GRIN2A: variants seen among roughly 807,000 people sequenced by gnomAD.
GRIN2A encodes glutamate receptor ionotropic, NMDA 2A.
A neutral mutation model predicts 113.4 loss-of-function variants in GRIN2A; 22 were observed. The ratio of observed to expected loss-of-function variants is 0.19; its 90% confidence interval spans 0.14 to 0.28. The LOEUF is 0.28. Among genes scored for constraint, GRIN2A ranks in the 10% least tolerant of loss-of-function variants. GRIN2A has a pLI of 1.00. For synonymous variants in GRIN2A, 827 were observed against 738.4 expected, an observed-to-expected ratio of 1.12 and a Z score of -1.94; for missense variants, 1,502 against 1,887.0, an observed-to-expected ratio of 0.80 and a Z score of 3.78.
At position 9,849,819 on chromosome 16, in the gene GRIN2A, A is replaced by C; in HGVS notation, c.1265T>G (p.Ile422Arg). The change falls in exon 5 of 13, where the codon ATA (isoleucine) becomes AGA (arginine). Residue 422 changes from isoleucine (I) to arginine (R), a missense_variant. By Grantham distance (97) the Ile-to-Arg change is moderately conservative (BLOSUM62 -3). This residue lies in a region of GRIN2A where 334 missense variants were observed against 403.0 expected (regional missense o/e 0.83). Coordinates refer to ENST00000330684, the MANE Select transcript of GRIN2A (RefSeq NM_001134407.3). ...CACACACGTCTCGGTCAGGGGGTCT[A>C]TGTCTTCCACGATGACGAATGGGGC... is the stretch of plus-strand genomic sequence containing the variant. ...EEAPFVIVED[I>R]DPLTETCVRN... is the part of the protein sequence containing the mutation. The C allele has an allele frequency of 6.2e-7, 1 of 1,614,028 alleles. No homozygotes were observed. Among genetic ancestry groups the C allele is most frequent in the Non-Finnish European group, 8.5e-7 (1 of 1,179,974 alleles).
chr16:9,921,698 G>A (rs1337801830), intron 3 of GRIN2A, among the ~76,000 whole-genome samples: 1 of 152,128 alleles, frequency 6.6e-6, no homozygotes, highest in Non-Finnish European at 1.5e-5. Context: ...GGGTGCTGGT[G>A]CACAAAAGTA....
At chr16:10,140,424 G>A (rs753509068) in intron 2 of GRIN2A, among the ~76,000 whole-genome samples, 2 of 152,086 alleles carry the variant, frequency 1.3e-5, no homozygotes, top group Admixed American at 6.6e-5. Context: ...ATCCAGGGTC[G>A]GAGTGATAGT....
At chr16:9,936,568 C>A (rs2044718029) in intron 3 of GRIN2A, among the ~76,000 whole-genome samples, 1 of 152,160 alleles carries the variant, frequency 6.6e-6, no homozygotes, top group South Asian at 2.1e-4. Context: ...AGTGATCATT[C>A]TAAATCTCAA....
intron 2 of GRIN2A, among the ~76,000 whole-genome samples, chr16:10,168,124 G>A (rs1324923824): frequency 6.6e-6 from 1 of 152,126 alleles, no homozygotes; most frequent in Non-Finnish European, 1.5e-5. Flanking sequence ...TCTAAACATT[G>A]TCTTCTGTAG....
intron 2 of GRIN2A, among the ~76,000 whole-genome samples, chr16:10,078,565 C>A (rs2047919572): frequency 6.6e-6 from 1 of 152,098 alleles, no homozygotes; most frequent in Non-Finnish European, 1.5e-5. Flanking sequence ...AGGCCCCCAG[C>A]CCCTGGGGGC....
chr16:10,178,817 G>A (rs372991561), intron 2 of GRIN2A, among the ~76,000 whole-genome samples: 31 of 152,296 alleles, frequency 2.0e-4, no homozygotes, highest in African/African-American at 6.3e-4. Flanking sequence ...AAAGGAAAGC[G>A]CTACAGTGAA....
At chr16:10,131,399 A>G (rs935982530) in intron 2 of GRIN2A, among the ~76,000 whole-genome samples, 1 of 152,002 alleles carries the variant, frequency 6.6e-6, no homozygotes, top group African/African-American at 2.4e-5. Context: ...TTCATCGGGA[A>G]GTTGGAAGCT....
At chr16:9,778,129 A>G (rs58554334) in intron 11 of GRIN2A, among the ~76,000 whole-genome samples, 2,124 of 152,328 alleles carry the variant, frequency 0.014, 55 homozygotes, top group African/African-American at 0.048. Context: ...TCTCTTTCAG[A>G]AGAAAAATTA....
At chr16:10,064,297 G>A (rs758016411) in intron 2 of GRIN2A, among the ~76,000 whole-genome samples, 1 of 152,074 alleles carries the variant, frequency 6.6e-6, no homozygotes, top group East Asian at 1.9e-4. Flanking sequence ...TGGTAAATGC[G>A]TCCCAGGCAC....
At chr16:9,796,829 T>G (rs146012076) in intron 11 of GRIN2A, among the ~76,000 whole-genome samples, 62 of 152,318 alleles carry the variant, frequency 4.1e-4, no homozygotes, top group African/African-American at 1.3e-3. Context: ...TGCTTACTGT[T>G]GTACGCCTCT....
chr16:9,797,340 G>T (rs1233886442), intron 11 of GRIN2A, among the ~76,000 whole-genome samples: 1 of 152,132 alleles, frequency 6.6e-6, no homozygotes, highest in East Asian at 1.9e-4. Context: ...CTCCGTGTTG[G>T]CAATTGAAAG....
chr16:9,947,543 C>T (rs2045048078), intron 2 of GRIN2A, among the ~76,000 whole-genome samples: 1 of 152,202 alleles, frequency 6.6e-6, no homozygotes, highest in Non-Finnish European at 1.5e-5. Flanking sequence ...TGGTGGTAAA[C>T]ATTATCGTCG....
rs897902086 is a variant in GRIN2A at position 9,758,132 on chromosome 16, G to A, written c.*5017C>T. On this transcript the variant is annotated 3_prime_UTR_variant, in exon 13 of 13. Coordinates refer to ENST00000330684, the MANE Select transcript of GRIN2A (RefSeq NM_001134407.3). ...TCTCCTCCCCTTCTCCTAACTTTTG[G>A]TGTGGTTCTACGAACTCTATTTTTC... 1 of 215,054 alleles carries A rather than the reference G, an allele frequency of 4.6e-6. No individual in the cohort carries two copies. The highest frequency in any genetic ancestry group is 9.4e-6 in the Non-Finnish European group (1 of 106,566). 13.3% of individuals were successfully genotyped at this position (215,054 alleles called of 1,614,324 possible).
chr16:9,820,322 A>G lies in GRIN2A; in HGVS notation c.2168+1942T>C, dbSNP rs893535015. Reference sequence around the variant, plus strand: ...AGTATATGTTGATTAAAAGACCACAATGGAAACAAACAAAAATCCCAAACC... The same window carrying G: ...AGTATATGTTGATTAAAAGACCACAGTGGAAACAAACAAAAATCCCAAACC... On this transcript the variant is annotated intron_variant, in intron 10 of 12. Transcript: ENST00000330684. 2.0e-5 allele frequency among the ~76,000 whole-genome samples: 3 copies of G among 152,224 alleles called. No homozygotes were observed. In the East Asian group the frequency reaches 5.8e-4, roughly 29 times the overall value.
chr16:10,026,198 A>G (rs2046817526), intron 2 of GRIN2A, among the ~76,000 whole-genome samples: 1 of 152,194 alleles, frequency 6.6e-6, no homozygotes, highest in African/African-American at 2.4e-5. Context: ...TGAGAGCCAA[A>G]TTCAAATCCC....
At chr16:9,985,021 C>A (rs990351654) in intron 2 of GRIN2A, among the ~76,000 whole-genome samples, 3 of 152,164 alleles carry the variant, frequency 2.0e-5, no homozygotes, top group Non-Finnish European at 2.9e-5. Flanking sequence ...CATGTGGACA[C>A]ACACTCATGC....
intron 10 of GRIN2A, among the ~76,000 whole-genome samples, chr16:9,816,195 G>T (rs1311007105): frequency 6.6e-6 from 1 of 152,144 alleles, no homozygotes; most frequent in Non-Finnish European, 1.5e-5. Context: ...GGTAATGGTT[G>T]TACCACACGA....
intron 2 of GRIN2A, among the ~76,000 whole-genome samples, chr16:10,091,572 G>C (rs904405417): frequency 6.6e-6 from 1 of 152,252 alleles, no homozygotes; most frequent in African/African-American, 2.4e-5. Flanking sequence ...AGGATTGCTT[G>C]AGCCTCGGAG....
chr16:9,931,630 G>C (rs151269580), intron 3 of GRIN2A, among the ~76,000 whole-genome samples: 93 of 152,202 alleles, frequency 6.1e-4, no homozygotes, highest in African/African-American at 2.1e-3. Flanking sequence ...CCTTTGGTAA[G>C]AGGGTTTTGG....
Sources: allele counts gnomAD v4.1 joint callset (sites outside exome capture counted in the v4.1 genomes callset), GRCh38; gene constraint gnomAD v4.1.1; regional missense constraint gnomAD v4.1.1; transcripts MANE v1.5; gene names NCBI Gene and HGNC (gene_info 2026-07-23, HGNC 2026-07-21).